Variants in CFAP221 observed in about 807,000 individuals in gnomAD.
CFAP221 encodes cilia and flagella associated protein 221.
In CFAP221, 97 loss-of-function variants were observed where a neutral mutation model predicts 113.1. The observed-to-expected ratio is 0.86, with a 90% CI of 0.73 to 1.02. The LOEUF (loss-of-function observed/expected upper bound fraction) is 1.02. Among genes scored for constraint, CFAP221 ranks in the 50% least tolerant of loss-of-function variants. The pLI, the probability that CFAP221 is intolerant of heterozygous loss-of-function variation, is 0.00. For synonymous variants in CFAP221, 331 were observed against 354.4 expected, an observed-to-expected ratio of 0.93 and a Z score of 0.74; for missense variants, 1,025 against 1,013.4, an observed-to-expected ratio of 1.01 and a Z score of -0.16.
intron 7 of CFAP221, among the ~76,000 whole-genome samples, chr2:119,588,937 G>A (rs75154218): frequency 0.19 from 28,608 of 151,912 alleles, 2,847 homozygotes; most frequent in African/African-American, 0.25. Flanking sequence ...ACGATAGCAA[G>A]GGGAGGTGGA....
chr2:119,549,998 C>G (rs1680307965), intron 3 of CFAP221, among the ~76,000 whole-genome samples: 1 of 152,222 alleles, frequency 6.6e-6, no homozygotes, highest in Admixed American at 6.5e-5. Context: ...ACCTGAACAA[C>G]CTCAGTGACT....
In CFAP221 at chr2:119,559,682, C is replaced by T. The variant is rs1457272187; in HGVS notation, c.241-7C>T. The stretch of plus-strand genomic sequence containing the variant: ...ATTTCCTCTAAATACTTCTTTTTCT[C>T]TCCCAGCATCTGGTCAATGTTTCCA... On this transcript the variant is annotated splice_polypyrimidine_tract_variant and splice_region_variant and intron_variant, in intron 3 of 23. Coordinates refer to ENST00000413369, the MANE Select transcript of CFAP221 (RefSeq NM_001271049.2). The T allele has an allele frequency of 3.3e-6, 5 of 1,519,764 alleles. No homozygotes were observed. The highest frequency in any genetic ancestry group is 4.4e-6 in the Non-Finnish European group (5 of 1,132,288). The allele number at this position is 1,519,764 out of a possible 1,614,324, so 94.1% of individuals were successfully genotyped here. A position where few individuals can be genotyped will look rare whatever the true frequency, so the allele number is the denominator to read the frequency against.
At chr2:119,547,834 G>A (rs1195199074) in intron 2 of CFAP221, among the ~76,000 whole-genome samples, 2 of 152,178 alleles carry the variant, frequency 1.3e-5, no homozygotes, top group African/African-American at 2.4e-5. Context: ...GGGTGAAGGT[G>A]TCTGTGCCTC....
In CFAP221 at chr2:119,604,884, G is replaced by A; in HGVS notation, c.921G>A (p.Glu307=). 2 of 1,614,036 alleles carry A rather than the reference G, an allele frequency of 1.2e-6. No individual in the cohort carries two copies. The highest frequency in any genetic ancestry group is 1.1e-5 in the South Asian group (1 of 91,058). ...TTGATTTGGTCTCTTAGGAAATTGA[G>A]TACCAGAACCTCAGATTTCCAGTAG... ...KPKPQKVKEI[E]YQNLRFPVDL... is the part of the protein sequence containing the mutation. The change falls in exon 10 of 24, where the codon GAG becomes GAA. Residue 307 remains glutamate (E), a synonymous_variant. Transcript: ENST00000413369.
intron 6 of CFAP221, among the ~76,000 whole-genome samples, chr2:119,563,105 G>A (rs1047290277): frequency 1.3e-5 from 2 of 152,170 alleles, no homozygotes; most frequent in African/African-American, 4.8e-5. Context: ...AATGGGCTGT[G>A]ATCACACCAC....
rs2104784882 is a variant in CFAP221 at position 119,638,430 on chromosome 2, C to T, written c.2133+13C>T. 2 of 1,613,958 alleles carry T rather than the reference C, an allele frequency of 1.2e-6. No individual in the cohort carries two copies. Among genetic ancestry groups the T allele is most frequent in the Non-Finnish European group, 1.7e-6 (2 of 1,179,902 alleles). On this transcript the variant is annotated intron_variant, in intron 20 of 23. Transcript: ENST00000413369. ...TCTCCATCACACGGTAATGTCATCA[C>T]CAGGCTCACTGGCAGAGTGACCCTG... is the stretch of plus-strand genomic sequence containing the variant.
intron 16 of CFAP221, 94 bp downstream of exon 16, chr2:119,627,880 C>G: frequency 6.7e-7 from 1 of 1,484,444 alleles, no homozygotes; most frequent in Non-Finnish European, 9.2e-7. Flanking sequence ...TCAGTCCCTT[C>G]ACCTCCTCCC....
intron 22 of CFAP221, among the ~76,000 whole-genome samples, chr2:119,650,371 T>C (rs1207633722): frequency 6.6e-6 from 1 of 152,214 alleles, no homozygotes; most frequent in Non-Finnish European, 1.5e-5. Context: ...CAGCATTTCT[T>C]GAGAGGACTG....
intron 14 of CFAP221, among the ~76,000 whole-genome samples, chr2:119,623,011 C>A (rs1270618720): frequency 1.3e-5 from 2 of 152,184 alleles, no homozygotes; most frequent in Non-Finnish European, 2.9e-5. Context: ...GTTGGAGGTT[C>A]TGGCCAGGGC....
chr2:119,561,782 A>G (rs1010398248), intron 5 of CFAP221, among the ~76,000 whole-genome samples: 1 of 152,234 alleles, frequency 6.6e-6, no homozygotes, highest in African/African-American at 2.4e-5. Flanking sequence ...CATTATCTTT[A>G]GCTTCCTTGG....
chr2:119,625,556 T>G lies in CFAP221; in HGVS notation c.1411-27T>G, dbSNP rs769101560. On this transcript the variant is annotated intron_variant, in intron 14 of 23. Coordinates refer to ENST00000413369, the MANE Select transcript of CFAP221 (RefSeq NM_001271049.2). Reference sequence around the variant, plus strand: ...AATGAGCGTGTGTTGATTAATAATTTGAAATCATTATCCACTCCAATTTCA... The same window carrying G: ...AATGAGCGTGTGTTGATTAATAATTGGAAATCATTATCCACTCCAATTTCA... The G allele has an allele frequency of 4.2e-5, 66 of 1,563,628 alleles. No individual in the cohort carries two copies. The East Asian group carries it at 1.4e-3, about 34-fold the overall frequency.
At chr2:119,617,566 C>A (rs540523194) in intron 14 of CFAP221, among the ~76,000 whole-genome samples, 1 of 152,238 alleles carries the variant, frequency 6.6e-6, no homozygotes, top group Non-Finnish European at 1.5e-5. Context: ...GGGCTTTGTT[C>A]TGAGTAATGG....
chr2:119,600,659 A>C (rs1684300235), intron 7 of CFAP221, among the ~76,000 whole-genome samples: 1 of 152,244 alleles, frequency 6.6e-6, no homozygotes, highest in African/African-American at 2.4e-5. Flanking sequence ...TTAGCATGGG[A>C]AGAATGTACA....
intron 22 of CFAP221, among the ~76,000 whole-genome samples, chr2:119,648,983 C>G (rs1486438960): frequency 2.6e-5 from 4 of 152,204 alleles, no homozygotes; most frequent in African/African-American, 9.7e-5. Flanking sequence ...CTGACTCCTG[C>G]GCTGGTAGCA....
intron 11 of CFAP221, among the ~76,000 whole-genome samples, chr2:119,606,170 A>AT (rs1491161387): frequency 0.038 from 5,732 of 149,824 alleles, 223 homozygotes; most frequent in African/African-American, 0.11. Context: ...TGCCCAGCAA[A>AT]TTTTTTTTTT....
intron 3 of CFAP221, 117 bp downstream of exon 3, chr2:119,549,302 T>C: frequency 1.3e-6 from 1 of 790,278 alleles, no homozygotes; most frequent in South Asian, 2.1e-5. Flanking sequence ...CAAGAGTAAA[T>C]TGGGCCAGAA....
rs35631078 is a variant in CFAP221 at position 119,560,045 on chromosome 2, C to CTTTTT, written c.426+35_426+39dup. On this transcript the variant is annotated intron_variant, in intron 5 of 23. Coordinates refer to ENST00000413369, the MANE Select transcript of CFAP221 (RefSeq NM_001271049.2). Reference sequence around the variant, plus strand: ...CTGTAAGGTAGGTCTCTTAAAATTGCTTTTTTTTTTTTTTTTTTTTGATGG... The same window carrying CTTTTT: ...CTGTAAGGTAGGTCTCTTAAAATTGCTTTTTTTTTTTTTTTTTTTTTTTTTGATGG... 121 of 875,698 alleles carry CTTTTT rather than the reference C, an allele frequency of 1.4e-4. No homozygotes were observed. Among genetic ancestry groups the CTTTTT allele is most frequent in the South Asian group, 4.8e-4 (26 of 53,834 alleles). 54.2% of individuals were successfully genotyped at this position (875,698 alleles called of 1,614,324 possible). A position where few individuals can be genotyped will look rare whatever the true frequency, so the allele number is the denominator to read the frequency against.
chr2:119,631,516 T>C (rs1313368939), intron 19 of CFAP221, among the ~76,000 whole-genome samples: 1 of 151,852 alleles, frequency 6.6e-6, no homozygotes, highest in Admixed American at 6.6e-5. Flanking sequence ...CTACTAAAAG[T>C]ACAAAAAAAT....
At chr2:119,646,872 A>G (rs2104806152) in intron 21 of CFAP221, 86 bp from the exon 22 acceptor site, 2 of 1,240,458 alleles carry the variant, frequency 1.6e-6, no homozygotes, top group East Asian at 4.8e-5. Context: ...CCAGCAGTAA[A>G]ATAAAAATTC....
Sources: gnomAD v4.1 joint callset for allele counts (sites outside exome capture counted in the v4.1 genomes callset) on GRCh38, gnomAD v4.1.1 for gene constraint, MANE v1.5 for transcripts, NCBI Gene and HGNC (gene_info 2026-07-23, HGNC 2026-07-21) for gene names.